The following TMX2 variants were observed in gnomAD, a reference collection of about 807,000 sequenced individuals.
The protein encoded by TMX2 is thioredoxin-related transmembrane protein 2.
TMX2 carries 20 observed loss-of-function variants against 33.4 expected under a neutral mutation model. That is an observed-to-expected ratio of 0.60 (90% CI 0.42 to 0.87). The LOEUF is 0.87. Among genes scored for constraint, TMX2 ranks in the 40% least tolerant of loss-of-function variants. The pLI is 0.00. For synonymous variants in TMX2, 166 were observed against 140.7 expected (o/e 1.18, Z -1.27); for missense variants, 340 against 370.7 (o/e 0.92, Z 0.68).
At chr11:57,715,596 T>TTTTTTTTTTTC (rs57129183) in intron 1 of TMX2, among the ~76,000 whole-genome samples, 1 of 148,638 alleles carries the variant, frequency 6.7e-6, no homozygotes, top group Non-Finnish European at 1.5e-5. Flanking sequence ...CTTTTTTTTT[T>TTTTTTTTTTTC]CTTTTATTGA....
intron 1 of TMX2, among the ~76,000 whole-genome samples, chr11:57,716,383 G>A (rs1251886863): frequency 1.8e-5 from 2 of 111,036 alleles, no homozygotes; most frequent in South Asian, 3.0e-4. Context: ...GCGGCTGGCC[G>A]GGCGAGGGGC....
At chr11:57,717,645 TG>T (rs1947235064) in intron 1 of TMX2, among the ~76,000 whole-genome samples, 1 of 146,362 alleles carries the variant, frequency 6.8e-6, no homozygotes, top group African/African-American at 2.5e-5. Context: ...TGAGCCGAGA[TG>T]GCAGCAGTAC....
At chr11:57,726,385 C>T (rs754357781) in intron 1 of TMX2, among the ~76,000 whole-genome samples, 4 of 152,016 alleles carry the variant, frequency 2.6e-5, no homozygotes, top group Non-Finnish European at 4.4e-5. Flanking sequence ...TGCACTCTGG[C>T]CTGGGCGACA....
chr11:57,736,435 G>A (rs1948754932), intron 1 of TMX2, among the ~76,000 whole-genome samples: 1 of 152,086 alleles, frequency 6.6e-6, no homozygotes, highest in Non-Finnish European at 1.5e-5. Flanking sequence ...GGCTGCATGT[G>A]AGCCACAGGT....
chr11:57,729,110 G>C (rs1948187361), intron 1 of TMX2, among the ~76,000 whole-genome samples: 1 of 151,574 alleles, frequency 6.6e-6, no homozygotes, highest in Non-Finnish European at 1.5e-5. Context: ...CTACAGCTCA[G>C]CTCCTCTAAG....
At chr11:57,729,731 A>G (rs1188353075) in intron 1 of TMX2, among the ~76,000 whole-genome samples, 1 of 150,776 alleles carries the variant, frequency 6.6e-6, no homozygotes, top group Non-Finnish European at 1.5e-5. Context: ...GGCATACCTA[A>G]TAAGTCTATA....
At chr11:57,726,345 G>A (rs766404380) in intron 1 of TMX2, among the ~76,000 whole-genome samples, 1 of 151,854 alleles carries the variant, frequency 6.6e-6, no homozygotes, top group African/African-American at 2.4e-5. Context: ...CCCGGGAGGC[G>A]GAGGTTGCAG....
rs535760768 is a variant in TMX2 at position 57,718,016 on chromosome 11, T to G, written c.189+5209T>G. 4.0e-5 allele frequency: 34 copies of G among 851,362 alleles called. No individual in the cohort carries two copies. The East Asian group carries it at 5.1e-4, about 13-fold the overall frequency. The allele number at this position is 851,362 out of a possible 1,614,324, so 52.7% of individuals were successfully genotyped here. On this transcript the variant is annotated intron_variant, in intron 1 of 7. Coordinates refer to ENST00000278422, the MANE Select transcript of TMX2 (RefSeq NM_015959.4). ...GAGCACAGAAGGAATGGTCTGGTGG[T>G]GAAGACAAAACAAGTCAAACTTACT...
At chr11:57,723,814 TAATA>T (rs1467696276) in intron 1 of TMX2, among the ~76,000 whole-genome samples, 2 of 145,918 alleles carry the variant, frequency 1.4e-5, no homozygotes, top group Admixed American at 1.4e-4. Context: ...AAAATAATAA[TAATA>T]ATAATAATAA....
chr11:57,740,742 T>C lies in TMX2; in HGVS notation c.*497T>C, dbSNP rs1327260466. Reference sequence around the variant, plus strand: ...TTCATTAAAAGTATAAGCCTAACTTTGTCGCTAGTCCTAAGGAGAAACCTT... The same window carrying C: ...TTCATTAAAAGTATAAGCCTAACTTCGTCGCTAGTCCTAAGGAGAAACCTT... On this transcript the variant is annotated 3_prime_UTR_variant, in exon 8 of 8. Coordinates refer to ENST00000278422, the MANE Select transcript of TMX2 (RefSeq NM_015959.4). 1.3e-5 allele frequency: 2 copies of C among 154,036 alleles called. No individual in the cohort carries two copies. The highest frequency in any genetic ancestry group is 2.9e-5 in the Non-Finnish European group (2 of 69,168). 9.5% of individuals were successfully genotyped at this position (154,036 alleles called of 1,614,324 possible). A position where few individuals can be genotyped will look rare whatever the true frequency, so the allele number is the denominator to read the frequency against.
Position 57,712,688 on chromosome 11 carries a change from C to T in TMX2, c.70C>T (p.Pro24Ser). The T allele has an allele frequency of 3.7e-6, 6 of 1,614,214 alleles. No homozygotes were observed. Among genetic ancestry groups the T allele is most frequent in the Non-Finnish European group, 5.1e-6 (6 of 1,180,038 alleles). ...VPRLSRWLAQ[P>S]YYLLSALLSA... ...GCGACTTTCACGATGGCTCGCCCAA[C>T]CTTACTACCTTCTGTCGGCCCTGCT... is the stretch of plus-strand genomic sequence containing the variant. The change falls in exon 1 of 8, where the codon CCT becomes TCT. Residue 24 changes from proline (P) to serine (S), a missense_variant. Pro to Ser is a moderately conservative substitution (Grantham distance 74, BLOSUM62 -1). Coordinates refer to ENST00000278422, the MANE Select transcript of TMX2 (RefSeq NM_015959.4).
At chr11:57,729,845 C>T (rs975936570) in intron 1 of TMX2, among the ~76,000 whole-genome samples, 11 of 150,690 alleles carry the variant, frequency 7.3e-5, no homozygotes, top group Non-Finnish European at 1.3e-4. Context: ...CAGTGGCTCA[C>T]GCCTGTAATC....
intron 1 of TMX2, among the ~76,000 whole-genome samples, chr11:57,713,901 C>T (rs1946802235): frequency 6.6e-6 from 1 of 152,182 alleles, no homozygotes; most frequent in South Asian, 2.1e-4. Context: ...GGTGTGTTGA[C>T]AGGCTTCCAT....
At chr11:57,720,722 C>CT (rs985960355) in intron 1 of TMX2, among the ~76,000 whole-genome samples, 6 of 152,086 alleles carry the variant, frequency 3.9e-5, no homozygotes, top group African/African-American at 1.4e-4. Flanking sequence ...ATAAGTGTTT[C>CT]TTTTTTTTCC....
At chr11:57,730,173 C>T (rs1196608232) in intron 1 of TMX2, among the ~76,000 whole-genome samples, 2 of 150,252 alleles carry the variant, frequency 1.3e-5, no homozygotes, top group East Asian at 3.9e-4. Context: ...CGCCTGTAAT[C>T]CCAGTAACTT....
chr11:57,718,386 T>A (rs893468322), intron 1 of TMX2: 2 of 1,450,790 alleles, frequency 1.4e-6, no homozygotes, highest in African/African-American at 1.4e-5. Flanking sequence ...AAGCAGGAAC[T>A]CTTACAACCA....
chr11:57,715,194 G>A (rs1265442899), intron 1 of TMX2, among the ~76,000 whole-genome samples: 1 of 152,072 alleles, frequency 6.6e-6, no homozygotes, highest in East Asian at 1.9e-4. Flanking sequence ...GAGCTCAGGA[G>A]TTCGAGACCA....
intron 1 of TMX2, 136 bp downstream of exon 1, chr11:57,712,943 G>T (rs895236456): frequency 4.4e-6 from 4 of 899,156 alleles, no homozygotes; most frequent in East Asian, 2.6e-5. Context: ...ACTATTAAGT[G>T]CAGGGTCCGA....
At chr11:57,718,643 A>G in intron 1 of TMX2, 1 of 346,908 alleles carries the variant, frequency 2.9e-6, no homozygotes, top group East Asian at 7.2e-5. Flanking sequence ...ATTCTGAAAT[A>G]ACCCCCCCTC....
Sources: allele counts gnomAD v4.1 joint callset (sites outside exome capture counted in the v4.1 genomes callset), GRCh38; gene constraint gnomAD v4.1.1; transcripts MANE v1.5; gene names NCBI Gene and HGNC (gene_info 2026-07-23, HGNC 2026-07-21).